The following FAM117A variants were observed in gnomAD, a reference collection of about 807,000 sequenced individuals.
The protein encoded by FAM117A is protein FAM117A.
A neutral mutation model predicts 44.1 loss-of-function variants in FAM117A; 21 were observed. The observed-to-expected ratio is 0.48, with a 90% CI of 0.34 to 0.69. FAM117A has a LOEUF of 0.69. FAM117A is among the 30% of genes least tolerant of loss of function. The pLI is 0.01. For missense variants in FAM117A, 498 were observed against 589.9 expected, an observed-to-expected ratio of 0.84 and a Z score of 1.61; for synonymous variants, 220 against 238.3, an observed-to-expected ratio of 0.92 and a Z score of 0.71.
At chr17:49,738,942 C>T (rs2073621818) in intron 1 of FAM117A, among the ~76,000 whole-genome samples, 2 of 152,112 alleles carry the variant, frequency 1.3e-5, no homozygotes, top group Non-Finnish European at 2.9e-5. Flanking sequence ...AAACTTCCCC[C>T]AAATGCAACA....
At chr17:49,788,888 A>T (rs773836637), upstream of FAM117A, 2 of 1,552,794 alleles carry the variant, frequency 1.3e-6, no homozygotes, top group South Asian at 2.4e-5. Context: ...GTTTCTAAGG[A>T]CAGTCGATTG....
chr17:49,788,929 A>G, upstream of FAM117A: 1 of 1,330,550 alleles, frequency 7.5e-7, no homozygotes, highest in South Asian at 1.5e-5. Context: ...CACGCCTCAC[A>G]GTGCTTGGGT....
At chr17:49,722,728 G>T (rs193142253) in intron 2 of FAM117A, 134 bp from the exon 3 acceptor site, 2 of 668,648 alleles carry the variant, frequency 3.0e-6, no homozygotes, top group Non-Finnish European at 5.2e-6. Flanking sequence ...AACACTCCCA[G>T]TCGGTGTTCT....
chr17:49,775,753 G>A (rs917163055), intron 1 of FAM117A, among the ~76,000 whole-genome samples: 7 of 152,126 alleles, frequency 4.6e-5, no homozygotes, highest in African/African-American at 1.7e-4. Flanking sequence ...GTATTCTGCT[G>A]GGGTAGGAAG....
At chr17:49,748,928 C>T (rs1206097137) in intron 1 of FAM117A, among the ~76,000 whole-genome samples, 2 of 152,160 alleles carry the variant, frequency 1.3e-5, no homozygotes, top group African/African-American at 4.8e-5. Context: ...AGTGTCTGAA[C>T]CTCTAGCTCT....
chr17:49,733,950 A>G (rs552587253), intron 1 of FAM117A, among the ~76,000 whole-genome samples: 39 of 150,260 alleles, frequency 2.6e-4, no homozygotes, highest in African/African-American at 9.1e-4. Flanking sequence ...AGACTATCCT[A>G]GCTAACACGG....
At chr17:49,786,692 G>A (rs902012440) in intron 1 of FAM117A, among the ~76,000 whole-genome samples, 5 of 149,880 alleles carry the variant, frequency 3.3e-5, no homozygotes, top group Non-Finnish European at 7.4e-5. Context: ...CAGGAGAATC[G>A]CCTGAACCCG....
intron 1 of FAM117A, among the ~76,000 whole-genome samples, chr17:49,742,015 A>C (rs920886229): frequency 2.6e-5 from 4 of 152,338 alleles, no homozygotes; most frequent in Admixed American, 2.0e-4. Flanking sequence ...TCTTTAAACA[A>C]CACTTCTTTC....
rs751576562 is a variant in FAM117A at position 49,726,705 on chromosome 17, G to A, written c.367-4111C>T. 2.6e-4 allele frequency among the ~76,000 whole-genome samples: 40 copies of A among 152,274 alleles called. No individual in the cohort carries two copies. The Middle Eastern group carries it at 0.01, about 39-fold the overall frequency. The stretch of plus-strand genomic sequence containing the variant: ...TCAAAAAGCTAACCTGGCCAGGTGC[G>A]GTGGCTCATGCCTGTAATCCCAGCA... On this transcript the variant is annotated intron_variant, in intron 2 of 7. Coordinates refer to ENST00000240364, the MANE Select transcript of FAM117A (RefSeq NM_030802.4).
intron 1 of FAM117A, among the ~76,000 whole-genome samples, chr17:49,754,398 G>C (rs904578344): frequency 6.6e-6 from 1 of 151,774 alleles, no homozygotes; most frequent in African/African-American, 2.4e-5. Flanking sequence ...TCTGTCTCCC[G>C]GGTTCACACC....
intron 6 of FAM117A, among the ~76,000 whole-genome samples, chr17:49,716,791 C>T (rs528438544): frequency 6.6e-6 from 1 of 152,320 alleles, no homozygotes; most frequent in South Asian, 2.1e-4. Context: ...AAATTCCTCT[C>T]CCTTTCCACA....
At chr17:49,749,951 T>C (rs148454126) in intron 1 of FAM117A, among the ~76,000 whole-genome samples, 14 of 148,984 alleles carry the variant, frequency 9.4e-5, no homozygotes, top group African/African-American at 3.1e-4. Flanking sequence ...TTAACTTCTC[T>C]GGGTGTCAGT....
At chr17:49,732,976 T>A (rs2073592960) in intron 1 of FAM117A, 1 of 458,338 alleles carries the variant, frequency 2.2e-6, no homozygotes, top group Non-Finnish European at 4.0e-6. Context: ...TTTATAAATG[T>A]CCTCTATCCT....
intron 2 of FAM117A, among the ~76,000 whole-genome samples, chr17:49,728,833 C>A (rs1243162168): frequency 6.6e-6 from 1 of 152,244 alleles, no homozygotes; most frequent in South Asian, 2.1e-4. Context: ...TCAAAACATG[C>A]AGCATCTCCA....
At chr17:49,779,680 C>T (rs1016583583) in intron 1 of FAM117A, among the ~76,000 whole-genome samples, 1 of 152,220 alleles carries the variant, frequency 6.6e-6, no homozygotes, top group Non-Finnish European at 1.5e-5. Context: ...CTGACTCTGC[C>T]CAGAGACTTG....
At chr17:49,714,142 C>T (rs1469475118) in intron 7 of FAM117A, among the ~76,000 whole-genome samples, 1 of 152,114 alleles carries the variant, frequency 6.6e-6, no homozygotes, top group East Asian at 1.9e-4. Context: ...ACCCTGAATA[C>T]CTTGACTCCT....
At chr17:49,733,726 C>G (rs941791178) in intron 1 of FAM117A, among the ~76,000 whole-genome samples, 1 of 152,012 alleles carries the variant, frequency 6.6e-6, no homozygotes, top group African/African-American at 2.4e-5. Context: ...TTGGTTAAAG[C>G]TTTCTAGAAG....
At position 49,717,504 on chromosome 17, in the gene FAM117A, G is replaced by A. The variant is rs775326177; in HGVS notation, c.910+9C>T. The A allele has an allele frequency of 1.5e-5, 25 of 1,613,094 alleles. No homozygotes were observed. Among genetic ancestry groups the A allele is most frequent in the Admixed American group, 1.0e-4 (6 of 59,974 alleles). ...AGTCAGCCCTGCTGCCTCAGCCTTC[G>A]CGGCTTACCTTTGTCGTTGGGGGTG... On this transcript the variant is annotated intron_variant, in intron 6 of 7. Transcript: ENST00000240364.
rs16948355 is a variant in FAM117A, at chr17:49,748,304, A to C, written c.197-15584T>G. On this transcript the variant is annotated intron_variant, in intron 1 of 7. Coordinates refer to ENST00000240364, the MANE Select transcript of FAM117A (RefSeq NM_030802.4). ...TCCAAGAACTAGAAGGTCCAGGCTCAGTTATGATGGTCCTCTCTGAGCAGA... is the reference window on the plus strand; with the variant it reads ...TCCAAGAACTAGAAGGTCCAGGCTCCGTTATGATGGTCCTCTCTGAGCAGA... Among the ~76,000 whole-genome samples, 1,288 of 152,358 alleles carry C rather than the reference A, an allele frequency of 8.5e-3. 11 individuals carry two copies. Among genetic ancestry groups the C allele is most frequent in the African/African-American group, 0.012 (512 of 41,578 alleles).
Sources: allele counts gnomAD v4.1 joint callset (sites outside exome capture counted in the v4.1 genomes callset), GRCh38; gene constraint gnomAD v4.1.1; transcripts MANE v1.5; gene names NCBI Gene and HGNC (gene_info 2026-07-23, HGNC 2026-07-21).